The following ANKEF1 variants were observed in gnomAD, a reference collection of about 807,000 sequenced individuals.
ANKEF1 encodes ankyrin repeat and EF-hand domain containing 1, also known as ankyrin repeat and EF-hand domain-containing protein 1.
In ANKEF1, 43 loss-of-function variants were observed where a neutral mutation model predicts 65.1. That is an observed-to-expected ratio of 0.66 (90% CI 0.52 to 0.85). The LOEUF (loss-of-function observed/expected upper bound fraction) is 0.85, where lower values mean the gene tolerates loss of function less well. Among genes scored for constraint, ANKEF1 ranks in the 40% least tolerant of loss-of-function variants. ANKEF1 has a pLI of 0.00. For synonymous variants in ANKEF1, 316 were observed against 341.5 expected (o/e 0.93, Z 0.82); for missense variants, 934 against 952.9 (o/e 0.98, Z 0.26).
chr20:10,043,400 C>CTTTTCATTTAAAT, intron 4 of ANKEF1, 79 bp downstream of exon 4: 1 of 1,357,922 alleles, frequency 7.4e-7, no homozygotes, highest in Non-Finnish European at 1.0e-6. Context: ...AATATGATGA[C>CTTTTCATTTAAAT]ATTATCCTGT....
chr20:10,047,867 C>CT (rs1344985364), intron 6 of ANKEF1, among the ~76,000 whole-genome samples: 2 of 152,186 alleles, frequency 1.3e-5, no homozygotes, highest in African/African-American at 4.8e-5. Context: ...ATGTTGGAGT[C>CT]TTTTATACAC....
chr20:10,036,918 C>T (rs776248098), intron 2 of ANKEF1, among the ~76,000 whole-genome samples: 6 of 152,056 alleles, frequency 3.9e-5, no homozygotes, highest in Non-Finnish European at 7.4e-5. Context: ...GGACCTAGCC[C>T]TGGGCACCCA....
chr20:10,053,446 T>G lies in ANKEF1; in HGVS notation c.2034+171T>G, dbSNP rs141276752. On this transcript the variant is annotated intron_variant, in intron 9 of 10. Transcript: ENST00000378392. ...ACTTTTAAAGAAATATCTAATAAAA[T>G]TCTTATCACTGAAGAGCCTAAAAAG... is the stretch of plus-strand genomic sequence containing the variant. Among the ~76,000 whole-genome samples, 1,241 of 152,276 alleles carry G rather than the reference T, an allele frequency of 8.1e-3. 21 individuals are homozygous for G. Among genetic ancestry groups the G allele is most frequent in the African/African-American group, 0.028 (1,181 of 41,546 alleles).
At chr20:10,046,677 G>T (rs1489976679) in intron 6 of ANKEF1, among the ~76,000 whole-genome samples, 1 of 152,060 alleles carries the variant, frequency 6.6e-6, no homozygotes, top group Admixed American at 6.5e-5. Flanking sequence ...AGATAGAACT[G>T]CATTTTGCAG....
chr20:10,041,870 C>T (rs1984213064), intron 3 of ANKEF1, among the ~76,000 whole-genome samples: 2 of 152,172 alleles, frequency 1.3e-5, no homozygotes, highest in South Asian at 4.1e-4. Flanking sequence ...TCCCTGATTA[C>T]TTATATCCTT....
chr20:10,041,503 A>T (rs1984190972), intron 3 of ANKEF1, among the ~76,000 whole-genome samples: 1 of 151,984 alleles, frequency 6.6e-6, no homozygotes, highest in Admixed American at 6.6e-5. Context: ...TTTATACTCA[A>T]TTATAATTAC....
chr20:10,041,276 T>G (rs909753503), intron 3 of ANKEF1, among the ~76,000 whole-genome samples: 4 of 151,878 alleles, frequency 2.6e-5, no homozygotes, highest in Non-Finnish European at 5.9e-5. Flanking sequence ...ATTGATGGGC[T>G]TTTTAGTTAT....
Position 10,043,262 on chromosome 20 carries a change from G to T in ANKEF1, c.487G>T (p.Val163Phe). ...FLRACEDAHDVKDVCLTFLEK... is the reference protein window; with the variant it reads ...FLRACEDAHDFKDVCLTFLEK... ...TAGAGCTTGTGAAGATGCACATGAT[G>T]TTAAAGATGTGTGCCTGACATTTTT... is the stretch of plus-strand genomic sequence containing the variant. Residue 163 changes from valine to phenylalanine, a missense_variant, in exon 4 of 11, where the codon GTT becomes TTT. Physicochemically the swap from Val to Phe is conservative, Grantham distance 50 (BLOSUM62 -1). Transcript: ENST00000378392. 6.2e-7 allele frequency: 1 copy of T among 1,614,154 alleles called. No homozygotes were observed. The highest frequency in any genetic ancestry group is 8.5e-7 in the Non-Finnish European group (1 of 1,180,018).
At chr20:10,044,687 T>A in intron 5 of ANKEF1, 144 bp downstream of exon 5, 1 of 628,130 alleles carries the variant, frequency 1.6e-6, no homozygotes, top group Non-Finnish European at 2.4e-6. Flanking sequence ...TTTCCCCAAA[T>A]AATTCTAAAA....
chr20:10,041,887 A>G (rs1043289882), intron 3 of ANKEF1, among the ~76,000 whole-genome samples: 2 of 152,190 alleles, frequency 1.3e-5, no homozygotes, highest in Admixed American at 1.3e-4. Context: ...CCTTAAGACT[A>G]TACATGTCTG....
At chr20:10,036,417 C>T (rs751233495) in intron 2 of ANKEF1, among the ~76,000 whole-genome samples, 2 of 152,028 alleles carry the variant, frequency 1.3e-5, no homozygotes, top group East Asian at 1.9e-4. Context: ...GGAATATGGC[C>T]GATAATAATA....
At chr20:10,043,079 G>T (rs373223253) in intron 3 of ANKEF1, 43 bp from the exon 4 acceptor site, 110 of 1,575,242 alleles carry the variant, frequency 7.0e-5, no homozygotes, top group Middle Eastern at 1.7e-4. Flanking sequence ...TGTCAAATAT[G>T]TATAGATGTT....
At chr20:10,045,899 A>C (rs1984496991) in intron 6 of ANKEF1, among the ~76,000 whole-genome samples, 1 of 152,084 alleles carries the variant, frequency 6.6e-6, no homozygotes, top group Non-Finnish European at 1.5e-5. Context: ...AGTGATGAAA[A>C]CCCATTTGTC....
chr20:10,039,964 AAAG>A (rs900238674), intron 3 of ANKEF1, among the ~76,000 whole-genome samples: 9 of 152,226 alleles, frequency 5.9e-5, no homozygotes, highest in Non-Finnish European at 1.2e-4. Context: ...CACAAAGAAA[AAAG>A]AAATTCTATA....
At chr20:10,054,347 A>G in intron 9 of ANKEF1, 115 bp from the exon 10 acceptor site, 2 of 765,350 alleles carry the variant, frequency 2.6e-6, no homozygotes, top group East Asian at 6.4e-5. Flanking sequence ...TATAACTTGT[A>G]CAGTAGCATT....
rs1985226862 is a variant in ANKEF1, at chr20:10,057,276, C to T, written c.*1616C>T. On this transcript the variant is annotated 3_prime_UTR_variant, in exon 11 of 11. Transcript: ENST00000378392. The stretch of plus-strand genomic sequence containing the variant: ...ATGAAGCAGGTAACCAGGCCCACCC[C>T]TCTGGAGGAGACAGACCTGAACAGG... The T allele has an allele frequency of 6.6e-6, 1 of 152,284 alleles. No individual in the cohort carries two copies. 9.4% of individuals were successfully genotyped at this position (152,284 alleles called of 1,614,324 possible).
chr20:10,049,713 C>A lies in ANKEF1; in HGVS notation c.1144C>A (p.His382Asn). 1 of 1,614,112 alleles carries A rather than the reference C, an allele frequency of 6.2e-7. No homozygotes were observed. ...SEQLAAIAHL[H>N]EKTRGGGVNI... ...ACAGCTGGCTGCCATCGCTCACCTT[C>A]ATGAGAAAACCCGGGGAGGAGGGGT... is the stretch of plus-strand genomic sequence containing the variant. Residue 382 changes from histidine (H) to asparagine (N), a missense_variant, in exon 7 of 11, where the codon CAT (histidine) becomes AAT (asparagine). Coordinates refer to ENST00000378392, the MANE Select transcript of ANKEF1 (RefSeq NM_022096.6).
At chr20:10,036,169 G>A (rs927847375) in intron 2 of ANKEF1, among the ~76,000 whole-genome samples, 3 of 152,210 alleles carry the variant, frequency 2.0e-5, no homozygotes, top group Non-Finnish European at 4.4e-5. Context: ...CTGGGAGGGA[G>A]GCAGTCCACA....
intron 6 of ANKEF1, among the ~76,000 whole-genome samples, chr20:10,046,303 A>G (rs1156301098): frequency 2.0e-5 from 3 of 152,232 alleles, no homozygotes; most frequent in Admixed American, 6.5e-5. Context: ...AAATGCCAAC[A>G]TCAATCTAAA....
Sources: gnomAD v4.1 joint callset for allele counts (sites outside exome capture counted in the v4.1 genomes callset) on GRCh38, gnomAD v4.1.1 for gene constraint, MANE v1.5 for transcripts, NCBI Gene and HGNC (gene_info 2026-07-23, HGNC 2026-07-21) for gene names.